COLEC12: variants seen among roughly 807,000 people sequenced by gnomAD.
The protein encoded by COLEC12 is collectin subfamily member 12.
A neutral mutation model predicts 71.1 loss-of-function variants in COLEC12; 33 were observed. The observed-to-expected ratio is 0.46, with a 90% CI of 0.35 to 0.62. The LOEUF (loss-of-function observed/expected upper bound fraction) is 0.62, where lower values mean the gene tolerates loss of function less well. Ranked by LOEUF, COLEC12 falls within the 20% of genes least tolerant of loss-of-function variation. COLEC12 has a pLI of 0.00. For synonymous variants in COLEC12, 350 were observed against 353.0 expected (o/e 0.99, Z 0.10); for missense variants, 765 against 916.1 (o/e 0.84, Z 2.13).
intron 1 of COLEC12, among the ~76,000 whole-genome samples, chr18:486,405 A>G (rs1176574116): frequency 6.6e-6 from 1 of 152,154 alleles, no homozygotes; most frequent in East Asian, 1.9e-4. Context: ...GGCTGGCCTC[A>G]AACTCCTGGT....
rs563903040 is a variant in COLEC12 at position 471,459 on chromosome 18, A to C, written c.58+9248T>G. The stretch of plus-strand genomic sequence containing the variant: ...ATTCATTCACTTCTCTATTATGCTG[A>C]TGTCTTGTTTTTGATGTCTTCTCTT... On this transcript the variant is annotated intron_variant, in intron 2 of 9. Transcript: ENST00000400256. 1.6e-4 allele frequency among the ~76,000 whole-genome samples: 24 copies of C among 151,912 alleles called. No homozygotes were observed. In the South Asian group the frequency reaches 1.7e-3, roughly 10 times the overall value.
chr18:451,157 T>G (rs1391585473), intron 2 of COLEC12, among the ~76,000 whole-genome samples: 2 of 152,238 alleles, frequency 1.3e-5, no homozygotes, highest in Non-Finnish European at 2.9e-5. Flanking sequence ...GCTCTGTCCT[T>G]GACTCCTGCT....
intron 2 of COLEC12, among the ~76,000 whole-genome samples, chr18:448,039 G>A (rs553061816): frequency 1.1e-4 from 17 of 152,266 alleles, no homozygotes; most frequent in African/African-American, 3.9e-4. Flanking sequence ...AGTTCAATGG[G>A]AAAATGTTGT....
rs373761998 is a variant in COLEC12, at chr18:494,196, A to T, written c.7+6312T>A. On this transcript the variant is annotated intron_variant, in intron 1 of 9. Coordinates refer to ENST00000400256, the MANE Select transcript of COLEC12 (RefSeq NM_130386.3). The stretch of plus-strand genomic sequence containing the variant: ...TACTTCCCCACGTGGAGCACAACTC[A>T]CTCCTTCTATCCCTGAGGTCTGTTT... Among the ~76,000 whole-genome samples, 3 of 151,964 alleles carry T rather than the reference A, an allele frequency of 2.0e-5. No homozygotes were observed. The East Asian group carries it at 5.8e-4, about 29-fold the overall frequency.
chr18:404,433 G>A (rs9962764), intron 2 of COLEC12, among the ~76,000 whole-genome samples: 34,536 of 151,962 alleles, frequency 0.23, 4,149 homozygotes, highest in Middle Eastern at 0.27. Context: ...GTTGTAAGCC[G>A]CGGCTTTTTT....
chr18:489,011 T>A (rs914823087), intron 1 of COLEC12, among the ~76,000 whole-genome samples: 7 of 151,984 alleles, frequency 4.6e-5, no homozygotes, highest in African/African-American at 1.7e-4. Flanking sequence ...TTGAAGGACA[T>A]GAGTTTCCAG....
intron 1 of COLEC12, among the ~76,000 whole-genome samples, chr18:493,686 C>A (rs1228073289): frequency 6.6e-6 from 1 of 152,082 alleles, no homozygotes; most frequent in East Asian, 1.9e-4. Flanking sequence ...AAAGTTAATA[C>A]CAAATATTTG....
At chr18:382,754 C>T (rs1321327820) in intron 2 of COLEC12, among the ~76,000 whole-genome samples, 1 of 148,770 alleles carries the variant, frequency 6.7e-6, no homozygotes, top group Non-Finnish European at 1.5e-5. Flanking sequence ...ATAGTAAGTG[C>T]CTGCTTCTTT....
chr18:409,754 TTTG>T (rs1915858116), intron 2 of COLEC12, among the ~76,000 whole-genome samples: 1 of 152,212 alleles, frequency 6.6e-6, no homozygotes, highest in African/African-American at 2.4e-5. Context: ...ATAGAGCTCC[TTTG>T]TTATTATGCA....
intron 2 of COLEC12, among the ~76,000 whole-genome samples, chr18:451,127 T>C (rs531668208): frequency 6.6e-6 from 1 of 152,326 alleles, no homozygotes; most frequent in African/African-American, 2.4e-5. Flanking sequence ...TACACCTCTT[T>C]CAAGTAGGCA....
chr18:361,762 G>A (rs1260079418), intron 2 of COLEC12, among the ~76,000 whole-genome samples: 1 of 152,224 alleles, frequency 6.6e-6, no homozygotes, highest in Non-Finnish European at 1.5e-5. Flanking sequence ...CAACTGTGAA[G>A]CACAGAAGGG....
intron 2 of COLEC12, among the ~76,000 whole-genome samples, chr18:432,646 C>T (rs1916326916): frequency 6.6e-6 from 1 of 152,170 alleles, no homozygotes; most frequent in Admixed American, 6.5e-5. Flanking sequence ...GACTAATCCA[C>T]AAAATACACA....
chr18:339,621 T>C (rs1914200662), intron 5 of COLEC12, among the ~76,000 whole-genome samples: 1 of 152,214 alleles, frequency 6.6e-6, no homozygotes, highest in South Asian at 2.1e-4. Context: ...TATTCCTGGC[T>C]GTGGCTAAAC....
intron 2 of COLEC12, among the ~76,000 whole-genome samples, chr18:394,826 G>GGTAGTGATCA (rs954859879): frequency 1.1e-4 from 16 of 152,114 alleles, no homozygotes; most frequent in African/African-American, 3.4e-4. Context: ...GCTGCCTCTT[G>GGTAGTGATCA]GTAGTGATCA....
intron 2 of COLEC12, among the ~76,000 whole-genome samples, chr18:446,149 T>A (rs1916644597): frequency 6.6e-6 from 1 of 152,220 alleles, no homozygotes; most frequent in Non-Finnish European, 1.5e-5. Flanking sequence ...TGGTAGACAT[T>A]TGGGTTGCTT....
rs750285577 is a variant in COLEC12, at chr18:399,989, G to A, written c.59-42467C>T. Among the ~76,000 whole-genome samples, 4 of 152,182 alleles carry A rather than the reference G, an allele frequency of 2.6e-5. No individual in the cohort carries two copies. Among genetic ancestry groups the A allele is most frequent in the Non-Finnish European group, 4.4e-5 (3 of 68,038 alleles). On this transcript the variant is annotated intron_variant, in intron 2 of 9. Transcript: ENST00000400256. This position sits in a 1 kb window ranked among gnomAD's most constrained non-coding sequence, Gnocchi z 4.0. Reference sequence around the variant, plus strand: ...ACTGAAGAGGCTGTATTTATTGGGAGTGTATAGAAAATCCCATGACATAGT... The same window carrying A: ...ACTGAAGAGGCTGTATTTATTGGGAATGTATAGAAAATCCCATGACATAGT...
At chr18:343,430 C>G (rs753023997) in intron 5 of COLEC12, among the ~76,000 whole-genome samples, 19 of 152,064 alleles carry the variant, frequency 1.2e-4, no homozygotes, top group Non-Finnish European at 2.6e-4. Flanking sequence ...GTACCCACTT[C>G]TCCCTTCTCC....
chr18:464,846 C>T (rs188995772), intron 2 of COLEC12, among the ~76,000 whole-genome samples: 1 of 152,286 alleles, frequency 6.6e-6, no homozygotes, highest in East Asian at 1.9e-4. Flanking sequence ...TTCCTTATTC[C>T]TATTGAGAGT....
At chr18:486,304 G>A (rs1014018690) in intron 1 of COLEC12, among the ~76,000 whole-genome samples, 16 of 152,192 alleles carry the variant, frequency 1.1e-4, no homozygotes, top group African/African-American at 3.9e-4. Context: ...TCCCACCTCA[G>A]CCTCAGAGTA....
Sources: allele counts gnomAD v4.1 joint callset (sites outside exome capture counted in the v4.1 genomes callset), GRCh38; gene constraint gnomAD v4.1.1; non-coding constraint Gnocchi (gnomAD v3.1); transcripts MANE v1.5; gene names NCBI Gene and HGNC (gene_info 2026-07-23, HGNC 2026-07-21).